Variants in MARCHF10 observed in about 807,000 individuals in gnomAD.
The protein encoded by MARCHF10 is membrane associated ring-CH-type finger 10.
In MARCHF10, 64 loss-of-function variants were observed where a neutral mutation model predicts 76.2. The observed-to-expected ratio is 0.84, with a 90% CI of 0.69 to 1.03. The LOEUF is 1.03. Among genes scored for constraint, MARCHF10 ranks in the 50% least tolerant of loss-of-function variants. MARCHF10 has a pLI of 0.00. For synonymous variants in MARCHF10, 340 were observed against 357.5 expected (o/e 0.95, Z 0.55); for missense variants, 875 against 958.0 (o/e 0.91, Z 1.14).
rs117056622 is a variant in MARCHF10, at chr17:62,757,003, C to T, written c.382+2832G>A. On this transcript the variant is annotated intron_variant, in intron 4 of 10. Coordinates refer to ENST00000311269, the MANE Select transcript of MARCHF10 (RefSeq NM_152598.4). ...CTGTTTGTAGAGGGCATTGATAGTT[C>T]CTATATTTTAAATAGTTGTTTTGGA... Among the ~76,000 whole-genome samples, 1,320 of 152,168 alleles carry T rather than the reference C, an allele frequency of 8.7e-3. 11 individuals are homozygous for T. Among genetic ancestry groups the T allele is most frequent in the Non-Finnish European group, 0.014 (934 of 68,022 alleles).
chr17:62,753,092 G>T (rs1211269381), intron 4 of MARCHF10, among the ~76,000 whole-genome samples: 1 of 151,942 alleles, frequency 6.6e-6, no homozygotes, highest in Admixed American at 6.6e-5. Flanking sequence ...AGAAACCAGA[G>T]CTTCTCTCTC....
chr17:62,801,602 A>G (rs1211286243), intron 2 of MARCHF10, 44 bp downstream of exon 2: 1 of 1,509,226 alleles, frequency 6.6e-7, no homozygotes, highest in East Asian at 2.3e-5. Context: ...CTCTCTAAAT[A>G]CTGCAAGAGA....
In MARCHF10 at chr17:62,721,479, T is replaced by C. The variant is rs761580138; in HGVS notation, c.2214+1009A>G. On this transcript the variant is annotated intron_variant, in intron 8 of 10. Transcript: ENST00000311269. Reference sequence around the variant, plus strand: ...CCACAAGTGGCTTGTGACTTCTATATTGAACAAAATAGTATTAGGTTGGTG... The same window carrying C: ...CCACAAGTGGCTTGTGACTTCTATACTGAACAAAATAGTATTAGGTTGGTG... Among the ~76,000 whole-genome samples the C allele has an allele frequency of 4.3e-4, 66 of 152,134 alleles. 2 individuals carry two copies. Among genetic ancestry groups the C allele is most frequent in the Admixed American group, 2.6e-4 (4 of 15,276 alleles).
chr17:62,788,059 C>T (rs907158911), intron 3 of MARCHF10, among the ~76,000 whole-genome samples: 6 of 152,184 alleles, frequency 3.9e-5, no homozygotes, highest in African/African-American at 1.4e-4. Context: ...TTACTCTCTT[C>T]CTTCATCAGA....
Position 62,736,946 on chromosome 17 carries a change from G to A in MARCHF10, c.922C>T (p.Pro308Ser), listed in dbSNP as rs200801910. The A allele has an allele frequency of 2.1e-4, 334 of 1,614,044 alleles. No homozygotes were observed. The highest frequency in any genetic ancestry group is 2.8e-4 in the Non-Finnish European group (329 of 1,180,052). ...CTTTTGTGATGGGAAGGAGAACAGG[G>A]TGAGCGCACACCAACCCACAGACAT... The part of the protein sequence containing the change: ...EECLWVGVRS[P>S]CSPSHHKRSR... The change falls in exon 6 of 11, where the codon CCC becomes TCC. Residue 308 changes from proline to serine, a missense_variant. Physicochemically the swap from Pro to Ser is moderately conservative, Grantham distance 74. Transcript: ENST00000311269.
At chr17:62,754,141 C>A (rs146940947) in intron 4 of MARCHF10, among the ~76,000 whole-genome samples, 1 of 152,144 alleles carries the variant, frequency 6.6e-6, no homozygotes, top group Non-Finnish European at 1.5e-5. Context: ...GACACAATCT[C>A]GGCTCACTGC....
chr17:62,788,668 T>G (rs2092786964), intron 2 of MARCHF10, 69 bp from the exon 3 acceptor site: 1 of 1,596,138 alleles, frequency 6.3e-7, no homozygotes, highest in Admixed American at 1.7e-5. Context: ...TATGCTTAAC[T>G]CCAATGGTGA....
intron 3 of MARCHF10, among the ~76,000 whole-genome samples, chr17:62,782,327 G>A (rs1368487131): frequency 2.0e-5 from 3 of 149,914 alleles, no homozygotes; most frequent in Non-Finnish European, 3.0e-5. Context: ...ATACTCTGAA[G>A]GTTTGCAAAC....
intron 2 of MARCHF10, among the ~76,000 whole-genome samples, chr17:62,790,614 C>T (rs115650869): frequency 0.027 from 4,151 of 152,296 alleles, 67 homozygotes; most frequent in East Asian, 0.059. Flanking sequence ...GTAAACTAGG[C>T]CTGACAACTG....
chr17:62,779,611 A>G (rs1198757909), intron 3 of MARCHF10, among the ~76,000 whole-genome samples: 2 of 152,218 alleles, frequency 1.3e-5, no homozygotes, highest in Non-Finnish European at 2.9e-5. Context: ...CCCGAGAGCT[A>G]ATATTTGCTA....
chr17:62,794,371 T>G (rs1034197164), intron 2 of MARCHF10, among the ~76,000 whole-genome samples: 3 of 152,226 alleles, frequency 2.0e-5, no homozygotes, highest in Non-Finnish European at 4.4e-5. Flanking sequence ...CTGGTTTACT[T>G]CTATATTTCT....
At chr17:62,734,400 C>T (rs971944284) in intron 6 of MARCHF10, among the ~76,000 whole-genome samples, 4 of 151,946 alleles carry the variant, frequency 2.6e-5, no homozygotes, top group African/African-American at 7.3e-5. Context: ...GGACGGTGGG[C>T]ACAGGGGTGT....
At chr17:62,713,830 A>G (rs755298579) in intron 8 of MARCHF10, among the ~76,000 whole-genome samples, 1 of 152,092 alleles carries the variant, frequency 6.6e-6, no homozygotes, top group Non-Finnish European at 1.5e-5. Flanking sequence ...TGGCATTAAT[A>G]GGAGGGGGCG....
At chr17:62,772,496 T>C (rs2092466956) in intron 3 of MARCHF10, among the ~76,000 whole-genome samples, 1 of 152,212 alleles carries the variant, frequency 6.6e-6, no homozygotes, top group Admixed American at 6.5e-5. Flanking sequence ...CTGGGACCTC[T>C]AGCATGGGCC....
rs1568131696 is a variant in MARCHF10 at position 62,736,221 on chromosome 17, T to TA, written c.1646dup (p.Leu549PhefsTer66). The TA allele has an allele frequency of 6.2e-7, 1 of 1,614,234 alleles. No individual in the cohort carries two copies. Among genetic ancestry groups the TA allele is most frequent in the Admixed American group, 1.7e-5 (1 of 60,026 alleles). ...GTGGAGCCCCCTGAGGCTGGCTTGT[T>TA]AAAGTAGTATCTTCTGCTTCCCTGA... On this transcript the variant is annotated frameshift_variant, in exon 6 of 11. Transcript: ENST00000311269. LOFTEE classifies it high-confidence loss of function.
At chr17:62,710,853 A>G (rs1387895548) in intron 9 of MARCHF10, among the ~76,000 whole-genome samples, 1 of 151,978 alleles carries the variant, frequency 6.6e-6, no homozygotes, top group Non-Finnish European at 1.5e-5. Flanking sequence ...GAGCCATCAC[A>G]CCCAGCCAGG....
At chr17:62,729,273 T>G (rs1474380812) in intron 6 of MARCHF10, among the ~76,000 whole-genome samples, 1 of 151,918 alleles carries the variant, frequency 6.6e-6, no homozygotes, top group African/African-American at 2.4e-5. Flanking sequence ...ATTTTATATA[T>G]GTATGCCAAC....
rs2089908827 is a variant in MARCHF10 at position 62,711,103 on chromosome 17, C to T, written c.2328+128G>A. 2.8e-6 allele frequency: 2 copies of T among 717,496 alleles called. No individual in the cohort carries two copies. Among genetic ancestry groups the T allele is most frequent in the African/African-American group, 3.5e-5 (2 of 56,970 alleles). 44.4% of individuals were successfully genotyped at this position (717,496 alleles called of 1,614,324 possible). On this transcript the variant is annotated intron_variant, in intron 9 of 10. Transcript: ENST00000311269. This position sits in a 1 kb window ranked among gnomAD's most constrained non-coding sequence, Gnocchi z 4.4. The stretch of plus-strand genomic sequence containing the variant: ...CACTTAGCAGCTGCTAAATCTTAGT[C>T]CTAACAATGATAGTCCCATATCCTC...
chr17:62,724,903 C>T lies in MARCHF10; in HGVS notation c.2104+35G>A, dbSNP rs778264687. 13 of 1,606,666 alleles carry T rather than the reference C, an allele frequency of 8.1e-6. No individual in the cohort carries two copies. In the South Asian group the frequency reaches 1.1e-4, roughly 14 times the overall value. ...GTGGTGCCTCATGTTAATTACATGT[C>T]GTGGCACGTTCACTGCACTTCCTTC... On this transcript the variant is annotated intron_variant, in intron 7 of 10. Coordinates refer to ENST00000311269, the MANE Select transcript of MARCHF10 (RefSeq NM_152598.4).
Sources: gnomAD v4.1 joint callset for allele counts (sites outside exome capture counted in the v4.1 genomes callset) on GRCh38, gnomAD v4.1.1 for gene constraint, Gnocchi (gnomAD v3.1) non-coding constraint, MANE v1.5 for transcripts, NCBI Gene and HGNC (gene_info 2026-07-23, HGNC 2026-07-21) for gene names.